Variants in CLSTN2 observed in about 807,000 individuals in gnomAD.
CLSTN2 encodes calsyntenin 2.
A neutral mutation model predicts 101.2 loss-of-function variants in CLSTN2; 48 were observed. That is an observed-to-expected ratio of 0.47 (90% confidence interval 0.38 to 0.60). CLSTN2 has a LOEUF of 0.60. Among genes scored for constraint, CLSTN2 ranks in the 20% least tolerant of loss-of-function variants. CLSTN2 has a pLI of 0.00. For synonymous variants in CLSTN2, 481 were observed against 463.6 expected, an observed-to-expected ratio of 1.04 and a Z score of -0.48; for missense variants, 1,160 against 1,238.2, an observed-to-expected ratio of 0.94 and a Z score of 0.95.
intron 1 of CLSTN2, among the ~76,000 whole-genome samples, chr3:139,962,026 T>G (rs1359760051): frequency 6.6e-6 from 1 of 152,152 alleles, no homozygotes; most frequent in Non-Finnish European, 1.5e-5. Context: ...GTACTACAAT[T>G]TATTTGAGCA....
At position 140,459,728 on chromosome 3, in the gene CLSTN2, G is replaced by C. The variant is rs1933513102; in HGVS notation, c.1181G>C (p.Arg394Thr). 3.1e-6 allele frequency: 5 copies of C among 1,614,002 alleles called. No homozygotes were observed. Among genetic ancestry groups the C allele is most frequent in the African/African-American group, 1.3e-5 (1 of 74,912 alleles). ...WMKHGPSPGV[R>T]AEKETILCNS... Reference sequence around the variant, plus strand: ...AAACACGGCCCCAGCCCTGGTGTGAGAGCCGAGAAGGAAACCATCCTCTGC... The same window carrying C: ...AAACACGGCCCCAGCCCTGGTGTGACAGCCGAGAAGGAAACCATCCTCTGC... The change falls in exon 7 of 17, where the codon AGA becomes ACA. Residue 394 changes from arginine (R) to threonine (T), a missense_variant. Coordinates refer to ENST00000458420, the MANE Select transcript of CLSTN2 (RefSeq NM_022131.3).
intron 2 of CLSTN2, among the ~76,000 whole-genome samples, chr3:140,244,862 T>G (rs1484120128): frequency 1.3e-5 from 2 of 152,224 alleles, no homozygotes; most frequent in African/African-American, 2.4e-5. Flanking sequence ...TAATTTTACC[T>G]TATATATATT....
At chr3:140,160,419 C>T (rs1395342937) in intron 1 of CLSTN2, among the ~76,000 whole-genome samples, 1 of 151,968 alleles carries the variant, frequency 6.6e-6, no homozygotes, top group Admixed American at 6.6e-5. Context: ...AATTTATGTG[C>T]TTTTTGCATA....
chr3:140,308,363 C>T (rs137904254), intron 2 of CLSTN2, among the ~76,000 whole-genome samples: 4 of 152,294 alleles, frequency 2.6e-5, no homozygotes, highest in Non-Finnish European at 4.4e-5. Flanking sequence ...AGGTGGCATT[C>T]AATATCAAGG....
chr3:140,540,734 G>A (rs1033936511), intron 9 of CLSTN2, among the ~76,000 whole-genome samples: 2 of 152,150 alleles, frequency 1.3e-5, no homozygotes, highest in African/African-American at 4.8e-5. Context: ...AACACACTTT[G>A]CACAGGAAGA....
chr3:140,443,947 G>A (rs2108005798), intron 5 of CLSTN2, among the ~76,000 whole-genome samples: 1 of 152,330 alleles, frequency 6.6e-6, no homozygotes. Flanking sequence ...GCAGTCTTCA[G>A]TGTCAAAGCA....
At chr3:140,375,564 G>T (rs144321534) in intron 2 of CLSTN2, among the ~76,000 whole-genome samples, 3 of 152,086 alleles carry the variant, frequency 2.0e-5, no homozygotes, top group African/African-American at 7.2e-5. Flanking sequence ...TTTAGTATCC[G>T]CTTTGCTCTT....
chr3:140,468,550 G>A (rs61110020), intron 8 of CLSTN2, among the ~76,000 whole-genome samples: 8,264 of 152,230 alleles, frequency 0.054, 729 homozygotes, highest in African/African-American at 0.19. Context: ...ATTGACTACC[G>A]TTTATCAATG....
At chr3:140,332,907 G>T (rs1230014880) in intron 2 of CLSTN2, among the ~76,000 whole-genome samples, 1 of 152,158 alleles carries the variant, frequency 6.6e-6, no homozygotes, top group African/African-American at 2.4e-5. Context: ...GAAAGAGTTT[G>T]GGTCTTAGTG....
At chr3:139,952,805 A>T (rs1467258079) in intron 1 of CLSTN2, among the ~76,000 whole-genome samples, 2 of 152,144 alleles carry the variant, frequency 1.3e-5, no homozygotes, top group African/African-American at 4.8e-5. Context: ...CCAACATGTC[A>T]TTCCTAGGCA....
intron 2 of CLSTN2, among the ~76,000 whole-genome samples, chr3:140,377,594 AATT>A (rs1304203342): frequency 1.3e-5 from 2 of 152,202 alleles, no homozygotes; most frequent in Non-Finnish European, 2.9e-5. Flanking sequence ...AATAAAAATA[AATT>A]GCAAAAGTAG....
intron 8 of CLSTN2, among the ~76,000 whole-genome samples, chr3:140,484,694 CT>C (rs1934201023): frequency 6.6e-6 from 1 of 152,130 alleles, no homozygotes; most frequent in South Asian, 2.1e-4. Context: ...AAGTTCTCTT[CT>C]CCATTTCATT....
rs1049316867 is a variant in CLSTN2 at position 140,017,304 on chromosome 3, T to C, written c.109+81821T>C. On this transcript the variant is annotated intron_variant, in intron 1 of 16. Coordinates refer to ENST00000458420, the MANE Select transcript of CLSTN2 (RefSeq NM_022131.3). ...TCCATGCAGAGGTCGTTGTTTCCTA[T>C]GCATGCTGTGATACAGGAAGGTTGG... Among the ~76,000 whole-genome samples the C allele has an allele frequency of 2.6e-5, 4 of 152,168 alleles. No homozygotes were observed. In the East Asian group the frequency reaches 5.8e-4, roughly 22 times the overall value.
At chr3:140,487,685 A>G (rs1186486423) in intron 8 of CLSTN2, among the ~76,000 whole-genome samples, 2 of 152,272 alleles carry the variant, frequency 1.3e-5, no homozygotes, top group African/African-American at 4.8e-5. Flanking sequence ...CCTCCTCAGC[A>G]TCACATGAAA....
At chr3:140,509,495 A>G (rs1229763917) in intron 8 of CLSTN2, among the ~76,000 whole-genome samples, 2 of 152,208 alleles carry the variant, frequency 1.3e-5, no homozygotes, top group Non-Finnish European at 2.9e-5. Context: ...ATCCTGCTGA[A>G]AGAAGCCTGA....
intron 1 of CLSTN2, among the ~76,000 whole-genome samples, chr3:140,166,187 G>T (rs1196245919): frequency 6.6e-6 from 1 of 152,156 alleles, no homozygotes; most frequent in African/African-American, 2.4e-5. Context: ...AGTGCCCATT[G>T]CCAAATGAGC....
intron 8 of CLSTN2, among the ~76,000 whole-genome samples, chr3:140,523,924 T>C (rs995451462): frequency 2.6e-5 from 4 of 152,202 alleles, no homozygotes; most frequent in African/African-American, 9.6e-5. Context: ...GTTCAAATCC[T>C]TTCTGTCTTG....
intron 1 of CLSTN2, among the ~76,000 whole-genome samples, chr3:139,942,451 G>A (rs1935147938): frequency 6.6e-6 from 1 of 152,024 alleles, no homozygotes; most frequent in African/African-American, 2.4e-5. Context: ...TATTCATTTG[G>A]GTTAAATATT....
rs957826204 is a variant in CLSTN2, at chr3:140,328,308, T to G, written c.233-75321T>G. 5.3e-5 allele frequency among the ~76,000 whole-genome samples: 8 copies of G among 152,288 alleles called. No homozygotes were observed. The South Asian group carries it at 6.2e-4, about 12-fold the overall frequency. Reference sequence around the variant, plus strand: ...ATAATCAGCAGAGAGACCAACTCCTTAAGCTGTCTTGTTCATTTTTCAAAA... The same window carrying G: ...ATAATCAGCAGAGAGACCAACTCCTGAAGCTGTCTTGTTCATTTTTCAAAA... On this transcript the variant is annotated intron_variant, in intron 2 of 16. Transcript: ENST00000458420.
Sources: gnomAD v4.1 joint callset for allele counts (sites outside exome capture counted in the v4.1 genomes callset) on GRCh38, gnomAD v4.1.1 for gene constraint, MANE v1.5 for transcripts, NCBI Gene and HGNC (gene_info 2026-07-23, HGNC 2026-07-21) for gene names.